Variants in BCL11A observed in about 807,000 individuals in gnomAD.
BCL11A encodes B cell CLL/lymphoma 11A.
BCL11A carries 2 observed loss-of-function variants against 55.9 expected under a neutral mutation model. That is an observed-to-expected ratio of 0.04 (90% CI 0.01 to 0.11). The LOEUF (loss-of-function observed/expected upper bound fraction) is 0.11. Ranked by LOEUF, BCL11A falls within the 10% of genes least tolerant of loss-of-function variation. BCL11A has a pLI of 1.00. For missense variants in BCL11A, 817 were observed against 1,137.1 expected (o/e 0.72, Z 4.05); for synonymous variants, 465 against 473.4 (o/e 0.98, Z 0.23).
intron 2 of BCL11A, among the ~76,000 whole-genome samples, chr2:60,500,227 C>T (rs1267441202): frequency 1.3e-5 from 2 of 152,196 alleles, no homozygotes; most frequent in African/African-American, 4.8e-5. Flanking sequence ...AGCACAGGAC[C>T]TGTGTGTGAG....
At chr2:60,511,914 T>G (rs1680011840) in intron 2 of BCL11A, among the ~76,000 whole-genome samples, 1 of 152,176 alleles carries the variant, frequency 6.6e-6, no homozygotes, top group Admixed American at 6.5e-5. Flanking sequence ...CTACGCCCAG[T>G]GGCCCAGGCA....
rs1676179749 is a variant in BCL11A, at chr2:60,460,303, G to C, written c.*101C>G. 1 of 1,495,660 alleles carries C rather than the reference G, an allele frequency of 6.7e-7. No individual in the cohort carries two copies. The highest frequency in any genetic ancestry group is 1.4e-5 in the African/African-American group (1 of 71,270). The allele number at this position is 1,495,660 out of a possible 1,614,324, so 92.6% of individuals were successfully genotyped here. A position where few individuals can be genotyped will look rare whatever the true frequency, so the allele number is the denominator to read the frequency against. On this transcript the variant is annotated 3_prime_UTR_variant, in exon 4 of 4. Transcript: ENST00000642384. ...TGTTTGTTTAAATCACATGGGACTA[G>C]AAAAAAATCCTACAGGGAGTGGGGC...
At chr2:60,452,970 T>C, downstream of BCL11A, 2 of 247,522 alleles carry the variant, frequency 8.1e-6, no homozygotes, top group South Asian at 1.5e-4. Context: ...AGGAAACACT[T>C]GCCCTTATGA....
At chr2:60,490,585 T>C (rs1678571727) in intron 2 of BCL11A, among the ~76,000 whole-genome samples, 1 of 152,214 alleles carries the variant, frequency 6.6e-6, no homozygotes, top group Admixed American at 6.5e-5. Context: ...ATCAATCTCA[T>C]CCTTCTCCAA....
intron 2 of BCL11A, among the ~76,000 whole-genome samples, chr2:60,491,952 G>A (rs933220499): frequency 6.6e-6 from 1 of 152,198 alleles, no homozygotes; most frequent in Non-Finnish European, 1.5e-5. Flanking sequence ...TAAATACCTT[G>A]GAAATTGAGA....
chr2:60,496,440 A>T (rs114260693), intron 2 of BCL11A: 1 of 152,406 alleles, frequency 6.6e-6, no homozygotes, highest in East Asian at 1.9e-4. Flanking sequence ...GTCTGACAAT[A>T]AGTCTGCCAT....
chr2:60,511,608 C>CA, intron 2 of BCL11A, among the ~76,000 whole-genome samples: 1 of 152,110 alleles, frequency 6.6e-6, no homozygotes, highest in Admixed American at 6.5e-5. Context: ...ACTGAAGACT[C>CA]AAAGAGCTAC....
intron 2 of BCL11A, among the ~76,000 whole-genome samples, chr2:60,515,442 C>T (rs183345997): frequency 2.0e-5 from 3 of 152,290 alleles, no homozygotes; most frequent in African/African-American, 7.2e-5. Context: ...GACTCCTGCC[C>T]TCCAAAAGGT....
intron 2 of BCL11A, among the ~76,000 whole-genome samples, chr2:60,506,578 C>T (rs1265097839): frequency 6.6e-6 from 1 of 152,228 alleles, no homozygotes; most frequent in Non-Finnish European, 1.5e-5. Context: ...CTATACAAAA[C>T]ACAGCACCCA....
intron 3 of BCL11A, among the ~76,000 whole-genome samples, chr2:60,463,105 C>T (rs940083397): frequency 6.6e-6 from 1 of 152,214 alleles, no homozygotes; most frequent in African/African-American, 2.4e-5. Context: ...GTGGGAGGAT[C>T]AGTGAGTCCC....
intron 3 of BCL11A, among the ~76,000 whole-genome samples, chr2:60,467,843 GTGATGCTAC>G (rs1676896112): frequency 1.8e-5 from 2 of 110,716 alleles, no homozygotes; most frequent in African/African-American, 3.4e-5. Flanking sequence ...GGTGGTGGTG[GTGATGCTAC>G]TGGTGGTGAT....
At chr2:60,506,435 G>A (rs940066531) in intron 2 of BCL11A, among the ~76,000 whole-genome samples, 2 of 152,218 alleles carry the variant, frequency 1.3e-5, no homozygotes, top group African/African-American at 2.4e-5. Context: ...GGCTCAGGAC[G>A]CCACATGGGT....
At position 60,457,413 on chromosome 2, in the gene BCL11A, C is replaced by T; in HGVS notation, c.*2991G>A. ...GAAAAATAAAAGATCAAATTAAGTG[C>T]CTCTGTTTTGAACAGGGCACATAAG... On this transcript the variant is annotated 3_prime_UTR_variant, in exon 4 of 4. Transcript: ENST00000642384. 1 of 1,031,070 alleles carries T rather than the reference C, an allele frequency of 9.7e-7. No homozygotes were observed. Among genetic ancestry groups the T allele is most frequent in the Non-Finnish European group, 1.2e-6 (1 of 855,640 alleles). 63.9% of individuals were successfully genotyped at this position (1,031,070 alleles called of 1,614,324 possible). A position where few individuals can be genotyped will look rare whatever the true frequency, so the allele number is the denominator to read the frequency against.
At chr2:60,550,612 AC>A (rs1016747683) in intron 1 of BCL11A, among the ~76,000 whole-genome samples, 39 of 151,814 alleles carry the variant, frequency 2.6e-4, no homozygotes, top group African/African-American at 9.2e-4. Flanking sequence ...CCCTCTGAGC[AC>A]CCAGAAAATG....
intron 2 of BCL11A, chr2:60,538,142 G>C (rs914069560): frequency 7.9e-5 from 12 of 152,186 alleles, no homozygotes; most frequent in African/African-American, 2.9e-4. Context: ...GCGCCTTCTC[G>C]CCTCTTTTAC....
At chr2:60,490,299 C>T (rs1678552241) in intron 2 of BCL11A, among the ~76,000 whole-genome samples, 1 of 152,168 alleles carries the variant, frequency 6.6e-6, no homozygotes, top group South Asian at 2.1e-4. Flanking sequence ...AGCATGCTGC[C>T]TTTGTCTTCT....
intron 2 of BCL11A, among the ~76,000 whole-genome samples, chr2:60,476,883 T>C (rs1459690855): frequency 2.0e-5 from 3 of 152,202 alleles, no homozygotes; most frequent in African/African-American, 4.8e-5. Flanking sequence ...ATTTATCAGT[T>C]TCCATTAATG....
intron 2 of BCL11A, chr2:60,495,603 C>T (rs1008994308): frequency 2.6e-5 from 4 of 152,246 alleles, no homozygotes; most frequent in African/African-American, 9.7e-5. Flanking sequence ...GGCTGTTTTC[C>T]AGGGTGGGGT....
At chr2:60,499,683 C>G (rs1679172705) in intron 2 of BCL11A, 1 of 152,346 alleles carries the variant, frequency 6.6e-6, no homozygotes, top group Non-Finnish European at 1.5e-5. Context: ...GAACATGAAG[C>G]TCCCCGGACC....
Sources: gnomAD v4.1 joint callset for allele counts (sites outside exome capture counted in the v4.1 genomes callset) on GRCh38, gnomAD v4.1.1 for gene constraint, MANE v1.5 for transcripts, NCBI Gene and HGNC (gene_info 2026-07-23, HGNC 2026-07-21) for gene names.